Variants in PANX2 observed in about 807,000 individuals in gnomAD.
The protein encoded by PANX2 is pannexin-2.
In PANX2, 30 loss-of-function variants were observed where a neutral mutation model predicts 38.7. That is an observed-to-expected ratio of 0.78 (90% CI 0.58 to 1.05). PANX2 has a LOEUF of 1.05. PANX2 is among the 50% of genes least tolerant of loss of function. PANX2 has a pLI of 0.00. For synonymous variants in PANX2, 539 were observed against 472.1 expected (o/e 1.14, Z -1.84); for missense variants, 880 against 979.3 (o/e 0.90, Z 1.35).
In PANX2 at chr22:50,179,298, G is replaced by T. The variant is rs1007091570; in HGVS notation, c.*21G>T. 4.4e-6 allele frequency: 7 copies of T among 1,594,906 alleles called. No individual in the cohort carries two copies. The highest frequency in any genetic ancestry group is 6.0e-6 in the Non-Finnish European group (7 of 1,167,690). ...TTTGAGGGATGGCACCGTCCAGGCC[G>T]CCGAGAGCCCCTCTGCCTGTGTCGT... On this transcript the variant is annotated 3_prime_UTR_variant, in exon 3 of 3. Transcript: ENST00000395842.
intron 1 of PANX2, chr22:50,175,304 G>C (rs561454569): frequency 3.2e-6 from 1 of 310,724 alleles, no homozygotes; most frequent in African/African-American, 2.3e-5. Context: ...CGGCCCTACT[G>C]GAGTCTGGGT....
rs1602402144 is a variant in PANX2, at chr22:50,177,969, G to C, written c.1257G>C (p.Glu419Asp). The change falls in exon 2 of 3, where the codon GAG (glutamate) becomes GAC (aspartate). Residue 419 changes from glutamate to aspartate, a missense_variant. By Grantham distance (45) the Glu-to-Asp change is conservative (BLOSUM62 2). Coordinates refer to ENST00000395842, the MANE Select transcript of PANX2 (RefSeq NM_052839.4). ...CCGCCGAGCCCGACGGCGCCGCCGAGCCGCCCGTGGTCAAGCGGCCGCGCA... is the reference window on the plus strand; with the variant it reads ...CCGCCGAGCCCGACGGCGCCGCCGACCCGCCCGTGGTCAAGCGGCCGCGCA... Reference protein sequence around the residue: ...ANPAEPDGAAEPPVVKRPRKK... With the variant: ...ANPAEPDGAADPPVVKRPRKK... 6 of 1,534,416 alleles carry C rather than the reference G, an allele frequency of 3.9e-6. No individual in the cohort carries two copies. Among genetic ancestry groups the C allele is most frequent in the Non-Finnish European group, 2.6e-6 (3 of 1,144,784 alleles).
Position 50,177,182 on chromosome 22 carries a change from T to A in PANX2, c.470T>A (p.Leu157Gln), listed in dbSNP as rs1480813612. Residue 157 changes from leucine (L) to glutamine (Q), a missense_variant, in exon 2 of 3, where the codon CTG becomes CAG. By Grantham distance (113) the Leu-to-Gln change is moderately radical (BLOSUM62 -2). Coordinates refer to ENST00000395842, the MANE Select transcript of PANX2 (RefSeq NM_052839.4). ...STRLTSELNF[L>Q]LQEIDNCYHR... ...CGCCTCACCTCCGAGCTCAACTTCC[T>A]GCTGCAGGAGATCGACAACTGTTAC... 1 of 1,609,548 alleles carries A rather than the reference T, an allele frequency of 6.2e-7. No homozygotes were observed. Among genetic ancestry groups the A allele is most frequent in the African/African-American group, 1.3e-5 (1 of 74,792 alleles).
chr22:50,178,230 C>G lies in PANX2; in HGVS notation c.1518C>G (p.Asp506Glu). Reference protein sequence around the residue: ...APAPAPPPAPDKKHARHFSLD... With the variant: ...APAPAPPPAPEKKHARHFSLD... Reference sequence around the variant, plus strand: ...CCCCCGCCCCGCCGCCCGCCCCTGACAAGAAGCACGCGCGCCACTTCTCCC... The same window carrying G: ...CCCCCGCCCCGCCGCCCGCCCCTGAGAAGAAGCACGCGCGCCACTTCTCCC... The change falls in exon 2 of 3, where the codon GAC (aspartate) becomes GAG (glutamate). Residue 506 changes from aspartate to glutamate, a missense_variant. Physicochemically the swap from Asp to Glu is conservative, Grantham distance 45. Transcript: ENST00000395842. 1 of 1,494,244 alleles carries G rather than the reference C, an allele frequency of 6.7e-7. No homozygotes were observed. The highest frequency in any genetic ancestry group is 8.8e-7 in the Non-Finnish European group (1 of 1,131,500). The allele number at this position is 1,494,244 out of a possible 1,614,324, so 92.6% of individuals were successfully genotyped here.
rs768497136 is a variant in PANX2 at position 50,176,987 on chromosome 22, C to T, written c.275C>T (p.Ala92Val). The change falls in exon 2 of 3, where the codon GCG (alanine) becomes GTG (valine). Residue 92 changes from alanine (A) to valine (V), a missense_variant. By Grantham distance (64) the Ala-to-Val change is moderately conservative. Around this residue, in one of 4 missense-constraint regions of PANX2, gnomAD observed 243 missense variants for 333.1 expected, o/e 0.73. Transcript: ENST00000395842. Reference sequence around the variant, plus strand: ...CCGCACAACTTCACGCGCGACCAGGCGCTGTACGCCCGCGGCTACTGCTGG... The same window carrying T: ...CCGCACAACTTCACGCGCGACCAGGTGCTGTACGCCCGCGGCTACTGCTGG... ...YTPHNFTRDQ[A>V]LYARGYCWTE... 8.8e-6 allele frequency: 14 copies of T among 1,582,752 alleles called. No homozygotes were observed. The highest frequency in any genetic ancestry group is 1.7e-4 in the Middle Eastern group (1 of 5,984).
Position 50,179,209 on chromosome 22 carries a change from G to A in PANX2, c.1966G>A (p.Ala656Thr), listed in dbSNP as rs757555466. The change falls in exon 3 of 3, where the codon GCC (alanine) becomes ACC (threonine). Residue 656 changes from alanine (A) to threonine (T), a missense_variant. By Grantham distance (58) the Ala-to-Thr change is moderately conservative. Around this residue, in one of 4 missense-constraint regions of PANX2, gnomAD observed 445 missense variants for 404.3 expected, o/e 1.10. Transcript: ENST00000395842. The stretch of plus-strand genomic sequence containing the variant: ...CGTGGGGGACCTCATCGCCATCCCT[G>A]CCCCACAGCAGATCCTCATCGCCAC... ...QDVGDLIAIP[A>T]PQQILIATFD... is the part of the protein sequence containing the mutation. The A allele has an allele frequency of 8.1e-6, 13 of 1,612,716 alleles. No homozygotes were observed. The highest frequency in any genetic ancestry group is 1.1e-5 in the Non-Finnish European group (13 of 1,179,902).
At chr22:50,173,015 G>A (rs958057936) in intron 1 of PANX2, among the ~76,000 whole-genome samples, 2 of 150,742 alleles carry the variant, frequency 1.3e-5, no homozygotes. Context: ...TCCTGCCTCA[G>A]CCTCCCAAGT....
Position 50,170,787 on chromosome 22 carries a change from G to A in PANX2, c.57G>A (p.Glu19=). ...ADMATALLAG[E]KLRELILPGA... Reference sequence around the variant, plus strand: ...TGGCGACCGCGCTGCTGGCGGGAGAGAAGCTGCGGGAGCTGATCCTGCCGG... The same window carrying A: ...TGGCGACCGCGCTGCTGGCGGGAGAAAAGCTGCGGGAGCTGATCCTGCCGG... The change falls in exon 1 of 3, where the codon GAG becomes GAA. Residue 19 remains glutamate, a synonymous_variant. Coordinates refer to ENST00000395842, the MANE Select transcript of PANX2 (RefSeq NM_052839.4). 2.1e-6 allele frequency: 3 copies of A among 1,416,002 alleles called. No individual in the cohort carries two copies. The Admixed American group carries it at 7.9e-5, about 37-fold the overall frequency. The allele number at this position is 1,416,002 out of a possible 1,614,324, so 87.7% of individuals were successfully genotyped here.
At chr22:50,173,616 G>A (rs114877524) in intron 1 of PANX2, among the ~76,000 whole-genome samples, 2,995 of 152,344 alleles carry the variant, frequency 0.02, 98 homozygotes, top group African/African-American at 0.067. Context: ...TGTAGCAGGT[G>A]CGCAGCCACC....
At chr22:50,174,440 C>T (rs1055995422) in intron 1 of PANX2, among the ~76,000 whole-genome samples, 20 of 152,294 alleles carry the variant, frequency 1.3e-4, no homozygotes, top group Admixed American at 2.0e-4. Context: ...TTCAGACACC[C>T]GCTCAGAGGT....
At position 50,178,131 on chromosome 22, in the gene PANX2, C is replaced by G. The variant is rs781220429; in HGVS notation, c.1419C>G (p.Ile473Met). The change falls in exon 2 of 3, where the codon ATC becomes ATG. Residue 473 changes from isoleucine to methionine, a missense_variant. Ile to Met is a conservative substitution (Grantham distance 10). Coordinates refer to ENST00000395842, the MANE Select transcript of PANX2 (RefSeq NM_052839.4). ...ARRKTATDTLIAPLLDRSAHH... is the reference protein window; with the variant it reads ...ARRKTATDTLMAPLLDRSAHH... ...GGAAGACGGCCACGGACACGCTGAT[C>G]GCGCCGCTGCTGGACCGCTCCGCCC... The G allele has an allele frequency of 3.3e-6, 5 of 1,532,932 alleles. No homozygotes were observed. The South Asian group carries it at 6.0e-5, about 18-fold the overall frequency. 95.0% of individuals were successfully genotyped at this position (1,532,932 alleles called of 1,614,324 possible).
Position 50,177,149 on chromosome 22 carries a change from C to A in PANX2, c.437C>A (p.Ala146Asp). ...CCCGCGCTGGGCTGGGAGTTCCTGG[C>A]CTCCACGCGCCTCACCTCCGAGCTC... Reference protein sequence around the residue: ...YVPALGWEFLASTRLTSELNF... With the variant: ...YVPALGWEFLDSTRLTSELNF... Residue 146 changes from alanine to aspartate, a missense_variant, in exon 2 of 3, where the codon GCC (alanine) becomes GAC (aspartate). Physicochemically the swap from Ala to Asp is moderately radical, Grantham distance 126. This residue lies in a region of PANX2 where 243 missense variants were observed against 333.1 expected (regional missense o/e 0.73). Coordinates refer to ENST00000395842, the MANE Select transcript of PANX2 (RefSeq NM_052839.4). 1 of 1,606,786 alleles carries A rather than the reference C, an allele frequency of 6.2e-7. No individual in the cohort carries two copies. The highest frequency in any genetic ancestry group is 1.1e-5 in the South Asian group (1 of 90,384).
At chr22:50,175,378 G>A in intron 1 of PANX2, 2 of 997,272 alleles carry the variant, frequency 2.0e-6, no homozygotes, top group Non-Finnish European at 2.7e-6. Flanking sequence ...GTGGCTGCCA[G>A]GGATGGGCCC....
intron 1 of PANX2, among the ~76,000 whole-genome samples, chr22:50,176,113 C>T (rs570200624): frequency 3.9e-5 from 6 of 152,358 alleles, no homozygotes; most frequent in African/African-American, 1.4e-4. Flanking sequence ...TCTGAGCCTT[C>T]CTGGGAAACG....
chr22:50,171,929 C>T (rs1193423073), intron 1 of PANX2, among the ~76,000 whole-genome samples: 9 of 152,228 alleles, frequency 5.9e-5, no homozygotes, highest in Admixed American at 5.9e-4. Context: ...CTCCCAGATG[C>T]CTTGCCTTAA....
At position 50,170,889 on chromosome 22, in the gene PANX2, G is replaced by A; in HGVS notation, c.159G>A (p.Val53=). 6.6e-7 allele frequency: 1 copy of A among 1,519,932 alleles called. No individual in the cohort carries two copies. The highest frequency in any genetic ancestry group is 8.8e-7 in the Non-Finnish European group (1 of 1,131,870). 94.2% of individuals were successfully genotyped at this position (1,519,932 alleles called of 1,614,324 possible). The change falls in exon 1 of 3, where the codon GTG becomes GTA. Residue 53 remains valine (V), a synonymous_variant. Coordinates refer to ENST00000395842, the MANE Select transcript of PANX2 (RefSeq NM_052839.4). ...QLKLELPFDR[V]VTIGTVLVPI... is the part of the protein sequence containing the mutation. Reference sequence around the variant, plus strand: ...AGCTGGAGCTGCCGTTCGACCGGGTGGTCACCATCGGCACCGTGCTGGTGC... The same window carrying A: ...AGCTGGAGCTGCCGTTCGACCGGGTAGTCACCATCGGCACCGTGCTGGTGC...
At position 50,178,052 on chromosome 22, in the gene PANX2, T is replaced by C; in HGVS notation, c.1340T>C (p.Leu447Pro). 6.4e-7 allele frequency: 1 copy of C among 1,553,128 alleles called. No homozygotes were observed. Among genetic ancestry groups the C allele is most frequent in the Non-Finnish European group, 8.6e-7 (1 of 1,156,606 alleles). ...NPLPQPFKEP[L>P]AIMRVENSKA... ...CTTCCGCAGCCCTTCAAGGAGCCGC[T>C]GGCCATCATGCGCGTGGAGAACAGC... The change falls in exon 2 of 3, where the codon CTG (leucine) becomes CCG (proline). Residue 447 changes from leucine to proline, a missense_variant. Transcript: ENST00000395842.
Position 50,170,824 on chromosome 22 carries a change from G to C in PANX2, c.94G>C (p.Asp32His). 3 of 1,480,976 alleles carry C rather than the reference G, an allele frequency of 2.0e-6. No individual in the cohort carries two copies. The highest frequency in any genetic ancestry group is 2.7e-6 in the Non-Finnish European group (3 of 1,112,518). The allele number at this position is 1,480,976 out of a possible 1,614,324, so 91.7% of individuals were successfully genotyped here. Residue 32 changes from aspartate (D) to histidine (H), a missense_variant, in exon 1 of 3, where the codon GAC becomes CAC. Asp to His is a moderately conservative substitution (Grantham distance 81). Coordinates refer to ENST00000395842, the MANE Select transcript of PANX2 (RefSeq NM_052839.4). The stretch of plus-strand genomic sequence containing the variant: ...GCTGATCCTGCCGGGCGCGCAGGAC[G>C]ACAAGGCGGGCGCGCTGGCCGCGCT... ...RELILPGAQD[D>H]KAGALAALLL...
rs2063687999 is a variant in PANX2 at position 50,179,628 on chromosome 22, G to T, written c.*351G>T. On this transcript the variant is annotated 3_prime_UTR_variant, in exon 3 of 3. Transcript: ENST00000395842. ...TTTAGTCCGTTTCGTCCTGGCCCCG[G>T]GCTGTGGCGAGACAGCCCAACTCCC... 6 of 247,310 alleles carry T rather than the reference G, an allele frequency of 2.4e-5. No homozygotes were observed. The South Asian group carries it at 2.9e-4, about 12-fold the overall frequency. 15.3% of individuals were successfully genotyped at this position (247,310 alleles called of 1,614,324 possible).
Sources: gnomAD v4.1 joint callset for allele counts (sites outside exome capture counted in the v4.1 genomes callset) on GRCh38, gnomAD v4.1.1 for gene constraint, gnomAD v4.1.1 regional missense constraint, MANE v1.5 for transcripts, NCBI Gene and HGNC (gene_info 2026-07-23, HGNC 2026-07-21) for gene names.